Variants in NFXL1 observed in about 807,000 individuals in gnomAD.
The protein encoded by NFXL1 is nuclear transcription factor, X-box binding like 1, also known as NF-X1-type zinc finger protein NFXL1.
Under a neutral mutation model 123.3 loss-of-function variants are expected in NFXL1, and 66 were observed. That is an observed-to-expected ratio of 0.54 (90% CI 0.44 to 0.66). The LOEUF is 0.66. NFXL1 is among the 30% of genes least tolerant of loss of function. The pLI, the probability that NFXL1 is intolerant of heterozygous loss-of-function variation, is 0.00. For synonymous variants in NFXL1, 346 were observed against 360.8 expected (o/e 0.96, Z 0.46); for missense variants, 944 against 1,125.6 (o/e 0.84, Z 2.31).
chr4:47,851,922 T>C lies in NFXL1; in HGVS notation c.2442A>G (p.Val814=). ...RIKKELQCNK[V]RENQVSIECD... ...ATTCTATTGAAACCTGATTTTCACG[T>C]ACTTTGTTGCACTGCAATTCCTACA... is the stretch of plus-strand genomic sequence containing the variant. The change falls in exon 21 of 23, where the codon GTA becomes GTG. Residue 814 remains valine, a synonymous_variant. Coordinates refer to ENST00000507489, the MANE Select transcript of NFXL1 (RefSeq NM_001278624.2). 4.3e-6 allele frequency: 7 copies of C among 1,611,016 alleles called. No individual in the cohort carries two copies. The highest frequency in any genetic ancestry group is 5.9e-6 in the Non-Finnish European group (7 of 1,177,354).
chr4:47,897,053 T>A (rs966890513), intron 9 of NFXL1, among the ~76,000 whole-genome samples: 1 of 152,302 alleles, frequency 6.6e-6, no homozygotes, highest in South Asian at 2.1e-4. Context: ...CTGACACTTA[T>A]AATCTCAGCA....
At chr4:47,865,223 T>G (rs1734984324) in intron 18 of NFXL1, among the ~76,000 whole-genome samples, 1 of 152,162 alleles carries the variant, frequency 6.6e-6, no homozygotes, top group Admixed American at 6.5e-5. Context: ...AAGGAAAAGA[T>G]GACTTAAATA....
chr4:47,868,993 G>A (rs1735270394), intron 18 of NFXL1, among the ~76,000 whole-genome samples: 1 of 152,234 alleles, frequency 6.6e-6, no homozygotes, highest in South Asian at 2.1e-4. Context: ...AGCTGAGGCA[G>A]GAGGGTCTCT....
At chr4:47,852,842 C>G (rs1444109275) in intron 20 of NFXL1, among the ~76,000 whole-genome samples, 2 of 152,056 alleles carry the variant, frequency 1.3e-5, no homozygotes, top group African/African-American at 2.4e-5. Flanking sequence ...TCCTGTCTCA[C>G]CAGACCCTCA....
At chr4:47,871,752 ATAACT>A (rs1735451013) in intron 18 of NFXL1, among the ~76,000 whole-genome samples, 1 of 152,198 alleles carries the variant, frequency 6.6e-6, no homozygotes, top group South Asian at 2.1e-4. Context: ...TTTCAACAAA[ATAACT>A]TTAATATAAG....
chr4:47,879,225 G>A, intron 15 of NFXL1, 108 bp from the exon 16 acceptor site: 2 of 459,704 alleles, frequency 4.4e-6, no homozygotes, highest in South Asian at 1.2e-4. Context: ...TATGGAATAA[G>A]CAATTATAGT....
Position 47,878,531 on chromosome 4 carries a change from T to G in NFXL1, c.2073A>C (p.Lys691Asn). 1 of 1,575,640 alleles carries G rather than the reference T, an allele frequency of 6.3e-7. No individual in the cohort carries two copies. The highest frequency in any genetic ancestry group is 8.6e-7 in the Non-Finnish European group (1 of 1,162,576). ...TTCAATCTAAGAACATTACCTTGTT[T>G]TTTCCAGTGCAGCCATCAGTTTTGG... ...KVTKTDGCTG[K>N]NKAGPECLHC... The change falls in exon 17 of 23, where the codon AAA (lysine) becomes AAC (asparagine). Residue 691 changes from lysine to asparagine, a missense_variant. This residue lies in a region of NFXL1 where 301 missense variants were observed against 348.0 expected (regional missense o/e 0.86). Transcript: ENST00000507489.
rs1738020808 is a variant in NFXL1, at chr4:47,914,546, T to C, written c.-184A>G. On this transcript the variant is annotated 5_prime_UTR_variant, in exon 1 of 23. Transcript: ENST00000507489. ...GCGTGGTAGGGGAAGAGTCACAGAC[T>C]GACCCTGCGTCTCCCGCCGGGAACC... 3 of 249,002 alleles carry C rather than the reference T, an allele frequency of 1.2e-5. No individual in the cohort carries two copies. Among genetic ancestry groups the C allele is most frequent in the Non-Finnish European group, 2.3e-5 (3 of 130,002 alleles). 15.4% of individuals were successfully genotyped at this position (249,002 alleles called of 1,614,324 possible).
At chr4:47,848,654 C>G (rs1733944403) in intron 22 of NFXL1, among the ~76,000 whole-genome samples, 1 of 152,128 alleles carries the variant, frequency 6.6e-6, no homozygotes, top group African/African-American at 2.4e-5. Flanking sequence ...CTTTGGGAGG[C>G]TGAGGCAGGC....
chr4:47,856,417 G>A (rs946921358), intron 19 of NFXL1, among the ~76,000 whole-genome samples: 2 of 152,102 alleles, frequency 1.3e-5, no homozygotes, highest in South Asian at 4.1e-4. Context: ...GATTTAATCA[G>A]GACATATGCC....
intron 11 of NFXL1, among the ~76,000 whole-genome samples, chr4:47,892,416 A>G (rs905668465): frequency 1.3e-5 from 2 of 152,230 alleles, no homozygotes; most frequent in Admixed American, 1.3e-4. Flanking sequence ...GAACTCCAGA[A>G]AGAACTTCTT....
chr4:47,893,129 T>C (rs1409126322), intron 11 of NFXL1, among the ~76,000 whole-genome samples: 3 of 152,034 alleles, frequency 2.0e-5, no homozygotes, highest in Admixed American at 6.6e-5. Context: ...AGAAGAAAAT[T>C]AGCAATGTTG....
chr4:47,907,412 G>T (rs543786348), intron 3 of NFXL1, among the ~76,000 whole-genome samples: 1 of 152,282 alleles, frequency 6.6e-6, no homozygotes, highest in East Asian at 1.9e-4. Context: ...CAGTTTGATG[G>T]GTCCACGTGC....
At chr4:47,888,326 T>G (rs1339969610) in intron 12 of NFXL1, among the ~76,000 whole-genome samples, 1 of 152,048 alleles carries the variant, frequency 6.6e-6, no homozygotes, top group Non-Finnish European at 1.5e-5. Context: ...AACACAAACA[T>G]GCAGTTAGTA....
chr4:47,860,965 G>A (rs1217564358), intron 19 of NFXL1, among the ~76,000 whole-genome samples: 1 of 151,398 alleles, frequency 6.6e-6, no homozygotes, highest in Non-Finnish European at 1.5e-5. Context: ...TGATTCTCCT[G>A]CCTCAGCCTC....
Position 47,910,857 on chromosome 4 carries a change from C to A in NFXL1, c.373G>T (p.Ala125Ser). 1 of 1,600,122 alleles carries A rather than the reference C, an allele frequency of 6.2e-7. No homozygotes were observed. Reference sequence around the variant, plus strand: ...GTAGTGTATGTTATAAACGTATTTGCAAGTATTTTTCCCTGTTTTCCTTCA... The same window carrying A: ...GTAGTGTATGTTATAAACGTATTTGAAAGTATTTTTCCCTGTTTTCCTTCA... Reference protein sequence around the residue: ...DFEGKQGKILANTFITYTTQT... With the variant: ...DFEGKQGKILSNTFITYTTQT... Residue 125 changes from alanine (A) to serine (S), a missense_variant, in exon 3 of 23, where the codon GCA becomes TCA. Ala to Ser is a moderately conservative substitution (Grantham distance 99). Transcript: ENST00000507489.
intron 16 of NFXL1, among the ~76,000 whole-genome samples, 181 bp downstream of exon 16, chr4:47,878,915 G>A (rs1304042927): frequency 6.6e-6 from 1 of 152,026 alleles, no homozygotes; most frequent in African/African-American, 2.4e-5. Context: ...CATATCCACA[G>A]GCTAATTCTC....
chr4:47,862,884 T>G lies in NFXL1; in HGVS notation c.2278A>C (p.Asn760His), dbSNP rs761958983. ...TGATTTTTGCAACAACTGAGGAGGT[T>G]CTTTTCATTTACATCAGCTGTGGTT... ...KITTADVNEK[N>H]LLSCCKNQCP... is the part of the protein sequence containing the mutation. Residue 760 changes from asparagine (N) to histidine (H), a missense_variant, in exon 19 of 23, where the codon AAC becomes CAC. This residue lies in a region of NFXL1 where 301 missense variants were observed against 348.0 expected (regional missense o/e 0.86). Transcript: ENST00000507489. 2 of 1,582,096 alleles carry G rather than the reference T, an allele frequency of 1.3e-6. No individual in the cohort carries two copies.
chr4:47,909,368 A>C (rs1279318496), intron 3 of NFXL1, among the ~76,000 whole-genome samples: 1 of 152,216 alleles, frequency 6.6e-6, no homozygotes, highest in Non-Finnish European at 1.5e-5. Context: ...CTGCTTTTAC[A>C]GAGAAAATGA....
Sources: gnomAD v4.1 joint callset for allele counts (sites outside exome capture counted in the v4.1 genomes callset) on GRCh38, gnomAD v4.1.1 for gene constraint, gnomAD v4.1.1 regional missense constraint, MANE v1.5 for transcripts, NCBI Gene and HGNC (gene_info 2026-07-23, HGNC 2026-07-21) for gene names.